Variants in MGMT observed in about 807,000 individuals in gnomAD.
The protein encoded by MGMT is methylated-DNA--protein-cysteine methyltransferase.
MGMT carries 14 observed loss-of-function variants against 15.9 expected under a neutral mutation model. The ratio of observed to expected loss-of-function variants is 0.88; its 90% CI spans 0.58 to 1.37. MGMT has a LOEUF of 1.37. Ranked by LOEUF, MGMT falls within the 40% of genes most tolerant of loss-of-function variation. MGMT has a pLI of 0.00. For synonymous variants in MGMT, 130 were observed against 118.2 expected, an observed-to-expected ratio of 1.10 and a Z score of -0.65; for missense variants, 282 against 268.1, an observed-to-expected ratio of 1.05 and a Z score of -0.36.
intron 4 of MGMT, among the ~76,000 whole-genome samples, chr10:129,765,761 G>A (rs996634348): frequency 6.6e-6 from 1 of 152,148 alleles, no homozygotes; most frequent in Non-Finnish European, 1.5e-5. Flanking sequence ...TGCTAAGCTG[G>A]GCATACCCCT....
chr10:129,524,081 C>T (rs1011843675), intron 1 of MGMT, among the ~76,000 whole-genome samples: 5 of 152,178 alleles, frequency 3.3e-5, no homozygotes, highest in Non-Finnish European at 7.3e-5. Flanking sequence ...TCCTGATGAC[C>T]TGGGAGTGTC....
chr10:129,540,054 T>C (rs960136491), intron 2 of MGMT, among the ~76,000 whole-genome samples: 4 of 152,216 alleles, frequency 2.6e-5, no homozygotes, highest in African/African-American at 9.7e-5. Context: ...TGCATTTGTT[T>C]GGGTTCTTTC....
intron 1 of MGMT, among the ~76,000 whole-genome samples, chr10:129,531,942 A>C (rs1845937959): frequency 6.6e-6 from 1 of 152,214 alleles, no homozygotes; most frequent in South Asian, 2.1e-4. Context: ...CCAGTTGGAT[A>C]TGGACAGGAG....
chr10:129,717,017 C>T (rs1018964343), intron 3 of MGMT, among the ~76,000 whole-genome samples: 1 of 152,216 alleles, frequency 6.6e-6, no homozygotes, highest in East Asian at 1.9e-4. Context: ...CTCCACTCTC[C>T]GAATCACTTT....
intron 1 of MGMT, among the ~76,000 whole-genome samples, chr10:129,497,007 C>T (rs1417022490): frequency 6.6e-6 from 1 of 151,980 alleles, no homozygotes; most frequent in East Asian, 1.9e-4. Flanking sequence ...TTTTTTCCCC[C>T]TTTTTGGCAA....
chr10:129,484,158 A>G (rs1279339580), intron 1 of MGMT, among the ~76,000 whole-genome samples: 1 of 152,032 alleles, frequency 6.6e-6, no homozygotes, highest in Non-Finnish European at 1.5e-5. Flanking sequence ...ACCTTGTTTT[A>G]CCTCATATAG....
At chr10:129,727,367 C>T (rs12573554) in intron 3 of MGMT, among the ~76,000 whole-genome samples, 34,806 of 152,136 alleles carry the variant, frequency 0.23, 4,800 homozygotes, top group East Asian at 0.43. Flanking sequence ...GAAGTCAGCC[C>T]TGTTGGAAAT....
At chr10:129,539,479 T>G (rs2119765820) in intron 2 of MGMT, among the ~76,000 whole-genome samples, 2 of 152,260 alleles carry the variant, frequency 1.3e-5, no homozygotes, top group Admixed American at 6.5e-5. Context: ...GCTGGCTTGG[T>G]TAGGTAGCTT....
chr10:129,689,320 G>A (rs1847945291), intron 2 of MGMT, among the ~76,000 whole-genome samples: 1 of 152,158 alleles, frequency 6.6e-6, no homozygotes, highest in African/African-American at 2.4e-5. Context: ...AAAATTGCAA[G>A]CCATGGCAGT....
chr10:129,486,754 T>A (rs1845413556), intron 1 of MGMT, among the ~76,000 whole-genome samples: 2 of 152,224 alleles, frequency 1.3e-5, no homozygotes, highest in African/African-American at 4.8e-5. Flanking sequence ...ATTATTTTTC[T>A]CTTGTCATCA....
chr10:129,721,517 CTAT>C (rs925890374), intron 3 of MGMT, among the ~76,000 whole-genome samples: 9 of 152,200 alleles, frequency 5.9e-5, no homozygotes, highest in African/African-American at 2.2e-4. Context: ...AAATTTTCTT[CTAT>C]TATTTTATTT....
chr10:129,560,118 C>T (rs979053144), intron 2 of MGMT, among the ~76,000 whole-genome samples: 1 of 152,210 alleles, frequency 6.6e-6, no homozygotes, highest in Non-Finnish European at 1.5e-5. Flanking sequence ...AAGGTGCCTT[C>T]ATTAATCATT....
At chr10:129,515,704 A>G (rs12262840) in intron 1 of MGMT, among the ~76,000 whole-genome samples, 8,882 of 152,176 alleles carry the variant, frequency 0.058, 867 homozygotes, top group African/African-American at 0.2. Context: ...GCATCCTGTA[A>G]GTGGTATGAC....
In MGMT at chr10:129,467,250, C is replaced by A; in HGVS notation, c.-59C>A. 1 of 1,542,216 alleles carries A rather than the reference C, an allele frequency of 6.5e-7. No homozygotes were observed. The highest frequency in any genetic ancestry group is 8.7e-7 in the Non-Finnish European group (1 of 1,144,894). On this transcript the variant is annotated 5_prime_UTR_variant, in exon 1 of 5. Transcript: ENST00000651593. ...CAGCCCGCGCCCCTAGAACGCTTTG[C>A]GTCCCGACGCCCGCAGGTCCTCGCG...
intron 2 of MGMT, among the ~76,000 whole-genome samples, chr10:129,609,439 A>T (rs1846933393): frequency 6.6e-6 from 1 of 152,072 alleles, no homozygotes; most frequent in Non-Finnish European, 1.5e-5. Flanking sequence ...GTAGAAGTGA[A>T]ATCTCTGGCC....
rs552359712 is a variant in MGMT, at chr10:129,709,737, A to C, written c.274+1694A>C. 3.5e-4 allele frequency among the ~76,000 whole-genome samples: 53 copies of C among 152,228 alleles called. 1 individual carries two copies. Among genetic ancestry groups the C allele is most frequent in the Admixed American group, 1.2e-3 (18 of 15,298 alleles). ...AACATAGGGGCAAAAGTTCCATGAA[A>C]ATCGTTAGTTTTCTCCAAGTCATAT... On this transcript the variant is annotated intron_variant, in intron 3 of 4. Coordinates refer to ENST00000651593, the MANE Select transcript of MGMT (RefSeq NM_002412.5).
chr10:129,676,901 A>G (rs1380802240), intron 2 of MGMT, among the ~76,000 whole-genome samples: 1 of 150,988 alleles, frequency 6.6e-6, no homozygotes, highest in South Asian at 2.1e-4. Flanking sequence ...TTTCTTTTGG[A>G]AAAAAAAACA....
At chr10:129,470,281 T>A (rs1845215772) in intron 1 of MGMT, among the ~76,000 whole-genome samples, 1 of 152,150 alleles carries the variant, frequency 6.6e-6, no homozygotes, top group Admixed American at 6.5e-5. Flanking sequence ...TAAGTAGAAG[T>A]TGGAGACCTT....
chr10:129,727,995 G>A (rs534818067), intron 3 of MGMT, among the ~76,000 whole-genome samples: 2 of 152,168 alleles, frequency 1.3e-5, no homozygotes, highest in Admixed American at 6.5e-5. Flanking sequence ...AGGAGGGGCT[G>A]CCAGCCTCCC....
Sources: gnomAD v4.1 joint callset for allele counts (sites outside exome capture counted in the v4.1 genomes callset) on GRCh38, gnomAD v4.1.1 for gene constraint, MANE v1.5 for transcripts, NCBI Gene and HGNC (gene_info 2026-07-23, HGNC 2026-07-21) for gene names.